The following IL17RD variants were observed in gnomAD, a reference collection of about 807,000 sequenced individuals.
IL17RD encodes the protein interleukin-17 receptor D.
A neutral mutation model predicts 80.5 loss-of-function variants in IL17RD; 52 were observed. That is an observed-to-expected ratio of 0.65 (90% CI 0.52 to 0.81). The LOEUF (loss-of-function observed/expected upper bound fraction) is 0.81, where lower values mean the gene tolerates loss of function less well. IL17RD is among the 40% of genes least tolerant of loss of function. IL17RD has a pLI of 0.00. For missense variants in IL17RD, 1,024 were observed against 955.1 expected, an observed-to-expected ratio of 1.07 and a Z score of -0.95; for synonymous variants, 416 against 391.8, an observed-to-expected ratio of 1.06 and a Z score of -0.73.
chr3:57,152,384 A>T (rs1421855967), intron 1 of IL17RD, among the ~76,000 whole-genome samples: 1 of 152,206 alleles, frequency 6.6e-6, no homozygotes, highest in Non-Finnish European at 1.5e-5. Flanking sequence ...AGCAAAGTTG[A>T]ATCTCTGCGG....
At chr3:57,107,386 A>G (rs7626137) in intron 5 of IL17RD, among the ~76,000 whole-genome samples, 338 of 19,072 alleles carry the variant, frequency 0.018, 1 homozygote, top group African/African-American at 0.054. Context: ...CTCGAAAAAA[A>G]AAAAAAAAAT....
rs1486881912 is a variant in IL17RD at position 57,098,337 on chromosome 3, C to T, written c.1366G>A (p.Ala456Thr). 6.2e-7 allele frequency: 1 copy of T among 1,613,902 alleles called. No individual in the cohort carries two copies. Among genetic ancestry groups the T allele is most frequent in the Non-Finnish European group, 8.5e-7 (1 of 1,179,892 alleles). Residue 456 changes from alanine (A) to threonine (T), a missense_variant, in exon 12 of 13, where the codon GCC (alanine) becomes ACC (threonine). By Grantham distance (58) the Ala-to-Thr change is moderately conservative. Transcript: ENST00000296318. ...GCCTGGCGGAGCTTTTCGGCAATGGCTGACACCGCCACCAGGAAGAGCTCT... is the reference window on the plus strand; with the variant it reads ...GCCTGGCGGAGCTTTTCGGCAATGGTTGACACCGCCACCAGGAAGAGCTCT... ...KGELFLVAVS[A>T]IAEKLRQAKQ...
At chr3:57,099,972 A>G (rs1449436878) in intron 11 of IL17RD, among the ~76,000 whole-genome samples, 1 of 152,268 alleles carries the variant, frequency 6.6e-6, no homozygotes, top group African/African-American at 2.4e-5. Flanking sequence ...AAAGACTGGA[A>G]GGAAATAAAC....
chr3:57,141,730 A>G (rs954624377), intron 1 of IL17RD, among the ~76,000 whole-genome samples: 4 of 152,206 alleles, frequency 2.6e-5, no homozygotes, highest in African/African-American at 9.7e-5. Context: ...CCATACTAGA[A>G]CACCATGCCA....
chr3:57,108,775 CA>C (rs1559469869), intron 5 of IL17RD, among the ~76,000 whole-genome samples: 1 of 149,846 alleles, frequency 6.7e-6, no homozygotes, highest in African/African-American at 2.5e-5. Flanking sequence ...CTTGGCCTCC[CA>C]AAGTGTTGGG....
At chr3:57,155,377 G>C (rs1467584652) in intron 1 of IL17RD, among the ~76,000 whole-genome samples, 1 of 152,168 alleles carries the variant, frequency 6.6e-6, no homozygotes, top group African/African-American at 2.4e-5. Context: ...TCAAGCAACA[G>C]ACACTCGGCC....
At chr3:57,149,180 C>T (rs1325185043) in intron 1 of IL17RD, among the ~76,000 whole-genome samples, 2 of 151,802 alleles carry the variant, frequency 1.3e-5, no homozygotes, top group Non-Finnish European at 2.9e-5. Flanking sequence ...TCTGTCATCC[C>T]AGCTACATGG....
intron 1 of IL17RD, among the ~76,000 whole-genome samples, chr3:57,121,700 A>G (rs1305082086): frequency 1.3e-5 from 2 of 152,168 alleles, no homozygotes; most frequent in East Asian, 1.9e-4. Context: ...AAATCCTAAG[A>G]GTGTCTACAA....
intron 1 of IL17RD, among the ~76,000 whole-genome samples, chr3:57,130,432 C>A (rs1380029801): frequency 6.6e-6 from 1 of 152,200 alleles, no homozygotes; most frequent in Non-Finnish European, 1.5e-5. Context: ...TTGGGTGACC[C>A]CAGCTGGTTC....
intron 1 of IL17RD, among the ~76,000 whole-genome samples, chr3:57,152,304 C>A (rs2060232648): frequency 6.6e-6 from 1 of 152,240 alleles, no homozygotes; most frequent in Non-Finnish European, 1.5e-5. Context: ...ATCTAAATCG[C>A]TGCTTTCTGG....
chr3:57,121,299 G>T (rs967317774), intron 1 of IL17RD, among the ~76,000 whole-genome samples: 2 of 152,142 alleles, frequency 1.3e-5, no homozygotes, highest in Non-Finnish European at 2.9e-5. Context: ...ACAAAATGTG[G>T]AGAACACTTC....
In IL17RD at chr3:57,090,181, C is replaced by CA. The variant is rs897244051; in HGVS notation, c.*6211dup. ...CACTAGATCCCACAAAGGGCAAACTCAAAGATGAAACAAAGGCAACGCCAT... is the reference window on the plus strand; with the variant it reads ...CACTAGATCCCACAAAGGGCAAACTCAAAAGATGAAACAAAGGCAACGCCAT... On this transcript the variant is annotated 3_prime_UTR_variant, in exon 13 of 13. Coordinates refer to ENST00000296318, the MANE Select transcript of IL17RD (RefSeq NM_017563.5). 6.6e-6 allele frequency: 1 copy of CA among 152,616 alleles called. No homozygotes were observed. Among genetic ancestry groups the CA allele is most frequent in the African/African-American group, 2.4e-5 (1 of 41,450 alleles). 9.5% of individuals were successfully genotyped at this position (152,616 alleles called of 1,614,324 possible).
chr3:57,112,907 A>G (rs1707130859), intron 3 of IL17RD, among the ~76,000 whole-genome samples: 2 of 152,214 alleles, frequency 1.3e-5, no homozygotes, highest in Non-Finnish European at 2.9e-5. Flanking sequence ...GGTTCTGATC[A>G]TGGTAATAGC....
At position 57,114,650 on chromosome 3, in the gene IL17RD, CCACCCAGGTTAT is replaced by C. The variant is rs769961997; in HGVS notation, c.310+30_310+41del. The stretch of plus-strand genomic sequence containing the variant: ...GTGGGACCTTTGCACTGGGCCCTAT[CCACCCAGGTTAT>C]CACCATGCACTCGATTTTTGACCAC... On this transcript the variant is annotated intron_variant, in intron 3 of 12. Coordinates refer to ENST00000296318, the MANE Select transcript of IL17RD (RefSeq NM_017563.5). 7 of 1,553,846 alleles carry C rather than the reference CCACCCAGGTTAT, an allele frequency of 4.5e-6. No individual in the cohort carries two copies. The African/African-American group carries it at 8.2e-5, about 18-fold the overall frequency.
chr3:57,124,972 G>A (rs1707419871), intron 1 of IL17RD, among the ~76,000 whole-genome samples: 1 of 152,188 alleles, frequency 6.6e-6, no homozygotes, highest in Admixed American at 6.5e-5. Context: ...GTAGGCTTCT[G>A]TGGGCTGACC....
chr3:57,159,148 T>C (rs1441410900), intron 1 of IL17RD, among the ~76,000 whole-genome samples: 1 of 151,920 alleles, frequency 6.6e-6, no homozygotes, highest in Admixed American at 6.6e-5. Flanking sequence ...TAAAGACACA[T>C]TTACATTTAT....
chr3:57,127,311 TATAA>T (rs1707499475), intron 1 of IL17RD, among the ~76,000 whole-genome samples: 2 of 102,322 alleles, frequency 2.0e-5, no homozygotes, highest in Non-Finnish European at 3.4e-5. Context: ...TATAAAAATA[TATAA>T]AAATATATAT....
At chr3:57,165,663 A>G (rs561878010), upstream of IL17RD, among the ~76,000 whole-genome samples, 1 of 151,968 alleles carries the variant, frequency 6.6e-6, no homozygotes, top group Admixed American at 6.6e-5. Flanking sequence ...TAATAATAAT[A>G]ATTTTAATAA....
At chr3:57,137,668 T>G (rs939503095) in intron 1 of IL17RD, among the ~76,000 whole-genome samples, 1 of 152,294 alleles carries the variant, frequency 6.6e-6, no homozygotes, top group African/African-American at 2.4e-5. Context: ...ATGGAAGGTA[T>G]TTAAGAAGGA....
Sources: gnomAD v4.1 joint callset for allele counts (sites outside exome capture counted in the v4.1 genomes callset) on GRCh38, gnomAD v4.1.1 for gene constraint, MANE v1.5 for transcripts, NCBI Gene and HGNC (gene_info 2026-07-23, HGNC 2026-07-21) for gene names.